Variants in COL5A2 observed in about 807,000 individuals in gnomAD.
The protein encoded by COL5A2 is collagen type V alpha 2 chain, also known as collagen alpha-2(V) chain.
Under a neutral mutation model 208.2 loss-of-function variants are expected in COL5A2, and 23 were observed. The ratio of observed to expected loss-of-function variants is 0.11; its 90% CI spans 0.08 to 0.16. The LOEUF (loss-of-function observed/expected upper bound fraction) is 0.16. COL5A2 is among the 10% of genes least tolerant of loss of function. COL5A2 has a pLI of 1.00. For synonymous variants in COL5A2, 625 were observed against 628.5 expected (o/e 0.99, Z 0.08); for missense variants, 1,590 against 1,956.4 (o/e 0.81, Z 3.53).
chr2:189,238,637 G>C, the COL5A2 span, among the ~76,000 whole-genome samples: 3 of 152,086 alleles, frequency 2.0e-5, no homozygotes, highest in East Asian at 5.8e-4. Context: ...GAAGCCTCAG[G>C]AAACTTACAA....
At chr2:189,140,030 G>A (rs968805520) in intron 1 of COL5A2, among the ~76,000 whole-genome samples, 2 of 151,782 alleles carry the variant, frequency 1.3e-5, no homozygotes, top group African/African-American at 2.4e-5. Context: ...CCAAGATGGC[G>A]CCGCTGCACT....
At chr2:189,178,056 T>A (rs1688709458) in intron 1 of COL5A2, among the ~76,000 whole-genome samples, 1 of 152,138 alleles carries the variant, frequency 6.6e-6, no homozygotes, top group Admixed American at 6.5e-5. Context: ...TCTCCTCCTG[T>A]TTTCTTCTAC....
chr2:189,397,630 TTAA>T, the COL5A2 span, among the ~76,000 whole-genome samples: 2 of 143,474 alleles, frequency 1.4e-5, no homozygotes, highest in Admixed American at 1.4e-4. Flanking sequence ...TTTCATCGTT[TTAA>T]TGTCTGTACA....
At position 189,068,035 on chromosome 2, in the gene COL5A2, G is replaced by C; in HGVS notation, c.1381C>G (p.Gln461Glu). 1.2e-6 allele frequency: 2 copies of C among 1,613,974 alleles called. No individual in the cohort carries two copies. Among genetic ancestry groups the C allele is most frequent in the Non-Finnish European group, 1.7e-6 (2 of 1,179,930 alleles). Residue 461 changes from glutamine to glutamate, a missense_variant, in exon 21 of 54, where the codon CAG becomes GAG. By Grantham distance (29) the Gln-to-Glu change is conservative. Coordinates refer to ENST00000374866, the MANE Select transcript of COL5A2 (RefSeq NM_000393.5). ...SPGPQGSTGP[Q>E]GIRGQPGDPG... ...ATTACCGGTTGGCCTCGAATTCCCT[G>C]AGGACCAGTGCTACCCTGAGGTCCT...
the COL5A2 span, among the ~76,000 whole-genome samples, chr2:189,413,384 G>A: frequency 0.017 from 2,561 of 152,098 alleles, 70 homozygotes; most frequent in African/African-American, 0.059. Flanking sequence ...CAAGAGCCCT[G>A]AAATCAAAGT....
chr2:189,159,238 G>A (rs1001500975), intron 1 of COL5A2, among the ~76,000 whole-genome samples: 2 of 152,140 alleles, frequency 1.3e-5, no homozygotes, highest in Non-Finnish European at 2.9e-5. Context: ...TGCTTAAGCT[G>A]GTCTACATGC....
intron 14 of COL5A2, 65 bp from the exon 15 acceptor site, chr2:189,079,172 T>C: frequency 8.2e-7 from 1 of 1,219,492 alleles, no homozygotes; most frequent in Non-Finnish European, 1.2e-6. Context: ...CTTTGTTCTG[T>C]GTGTGTAATT....
the COL5A2 span, among the ~76,000 whole-genome samples, chr2:189,394,251 A>G: frequency 6.6e-6 from 1 of 151,656 alleles, no homozygotes; most frequent in Admixed American, 6.6e-5. Context: ...TATAAGAAAG[A>G]TTTTGAAAAA....
At position 189,041,705 on chromosome 2, in the gene COL5A2, A is replaced by G; in HGVS notation, c.3526-12T>C. ...GGGCCTGGAGGACCCTGCAAGAAAC[A>G]AAGACTGTAGTTTAGATTCTATGAA... On this transcript the variant is annotated splice_polypyrimidine_tract_variant and intron_variant, in intron 49 of 53. Transcript: ENST00000374866. 6.3e-7 allele frequency: 1 copy of G among 1,597,902 alleles called. No homozygotes were observed. Among genetic ancestry groups the G allele is most frequent in the Non-Finnish European group, 8.6e-7 (1 of 1,165,336 alleles).
chr2:189,234,636 T>G, the COL5A2 span, among the ~76,000 whole-genome samples: 2 of 151,906 alleles, frequency 1.3e-5, no homozygotes, highest in Admixed American at 1.3e-4. Flanking sequence ...CTTCTGAGAG[T>G]ACAGCAGGAG....
intron 37 of COL5A2, 109 bp downstream of exon 37, chr2:189,053,786 A>G: frequency 9.9e-7 from 1 of 1,009,218 alleles, no homozygotes; most frequent in Non-Finnish European, 1.5e-6. Flanking sequence ...AGGAAGTTAT[A>G]CATAACCTAA....
chr2:189,354,158 G>C, the COL5A2 span, among the ~76,000 whole-genome samples: 1 of 152,174 alleles, frequency 6.6e-6, no homozygotes, highest in African/African-American at 2.4e-5. Flanking sequence ...TAAGCTTTTT[G>C]ATGTGCTGCT....
intron 3 of COL5A2, among the ~76,000 whole-genome samples, chr2:189,103,727 G>A (rs983997537): frequency 5.3e-5 from 8 of 152,044 alleles, no homozygotes; most frequent in African/African-American, 1.9e-4. Flanking sequence ...GCTCTCTGAA[G>A]GTGAAGGAGG....
the COL5A2 span, among the ~76,000 whole-genome samples, chr2:189,290,377 T>G: frequency 6.6e-6 from 1 of 152,166 alleles, no homozygotes; most frequent in Non-Finnish European, 1.5e-5. Flanking sequence ...GACAAAGAAG[T>G]CTGAAAAGGA....
chr2:189,123,988 T>C (rs1401128344), intron 1 of COL5A2, among the ~76,000 whole-genome samples: 1 of 152,168 alleles, frequency 6.6e-6, no homozygotes, highest in African/African-American at 2.4e-5. Context: ...TAAGTCACAC[T>C]CTAAATGTGG....
chr2:189,284,634 T>C, the COL5A2 span, among the ~76,000 whole-genome samples: 5,892 of 152,146 alleles, frequency 0.039, 129 homozygotes, highest in Admixed American at 0.052. Context: ...CAACATGAGA[T>C]ATGGGTGGGG....
chr2:189,200,598 C>A (rs1689056942), intron 1 of COL5A2, among the ~76,000 whole-genome samples: 1 of 143,022 alleles, frequency 7.0e-6, no homozygotes, highest in African/African-American at 2.6e-5. Context: ...AAGAGTTTTC[C>A]CAAAATAATA....
chr2:189,058,443 G>A lies in COL5A2; in HGVS notation c.2215C>T (p.Pro739Ser). ...ATGACACTTACTTTTGGGCCATCAG[G>A]ACCATGTCCTCCAGCCATTCCCTTC... is the stretch of plus-strand genomic sequence containing the variant. ...GEKGMAGGHG[P>S]DGPKGSPGPS... is the part of the protein sequence containing the mutation. The change falls in exon 33 of 54, where the codon CCT (proline) becomes TCT (serine). Residue 739 changes from proline (P) to serine (S), a missense_variant. Pro to Ser is a moderately conservative substitution (Grantham distance 74). Transcript: ENST00000374866. 6.2e-7 allele frequency: 1 copy of A among 1,613,754 alleles called. No individual in the cohort carries two copies. Among genetic ancestry groups the A allele is most frequent in the Non-Finnish European group, 8.5e-7 (1 of 1,179,716 alleles).
chr2:189,170,220 A>C (rs1175220358), intron 1 of COL5A2, among the ~76,000 whole-genome samples: 1 of 152,248 alleles, frequency 6.6e-6, no homozygotes, highest in Non-Finnish European at 1.5e-5. Flanking sequence ...ATGGAAATAC[A>C]ATTTCCAAAA....
Sources: allele counts gnomAD v4.1 joint callset (sites outside exome capture counted in the v4.1 genomes callset), GRCh38; gene constraint gnomAD v4.1.1; transcripts MANE v1.5; gene names NCBI Gene and HGNC (gene_info 2026-07-23, HGNC 2026-07-21).